The following RASA1 variants were observed in gnomAD, a reference collection of about 807,000 sequenced individuals.
The protein encoded by RASA1 is ras GTPase-activating protein 1.
In RASA1, 25 loss-of-function variants were observed where a neutral mutation model predicts 132.2. The observed-to-expected ratio is 0.19, with a 90% CI of 0.14 to 0.26. The LOEUF (loss-of-function observed/expected upper bound fraction) is 0.26. Among genes scored for constraint, RASA1 ranks in the 10% least tolerant of loss-of-function variants. The pLI is 1.00. For missense variants in RASA1, 964 were observed against 1,299.2 expected, an observed-to-expected ratio of 0.74 and a Z score of 3.97; for synonymous variants, 477 against 449.9, an observed-to-expected ratio of 1.06 and a Z score of -0.76.
intron 1 of RASA1, among the ~76,000 whole-genome samples, chr5:87,314,655 T>A (rs1225279988): frequency 1.3e-5 from 2 of 152,012 alleles, no homozygotes; most frequent in Non-Finnish European, 2.9e-5. Context: ...GTATCTGGAT[T>A]GATGTTAATG....
At chr5:87,346,132 T>C (rs1209664440) in intron 6 of RASA1, among the ~76,000 whole-genome samples, 1 of 152,100 alleles carries the variant, frequency 6.6e-6, no homozygotes, top group Non-Finnish European at 1.5e-5. Flanking sequence ...TTAGCTCAAA[T>C]AGAGTTGAGA....
At chr5:87,366,532 G>GA (rs3842492) in intron 11 of RASA1, 11,970 of 201,608 alleles carry the variant, frequency 0.059, 917 homozygotes, top group African/African-American at 0.2. Context: ...CTGGTAGGGG[G>GA]AAAGCAATAA....
At chr5:87,384,811 TCTC>T (rs1761955393) in intron 21 of RASA1, among the ~76,000 whole-genome samples, 1 of 152,158 alleles carries the variant, frequency 6.6e-6, no homozygotes, top group South Asian at 2.1e-4. Flanking sequence ...TTCATGTTTT[TCTC>T]CTCAAAATAA....
intron 1 of RASA1, among the ~76,000 whole-genome samples, chr5:87,306,037 A>G (rs546224155): frequency 6.6e-6 from 1 of 152,348 alleles, no homozygotes; most frequent in East Asian, 1.9e-4. Flanking sequence ...AATTAGTTCA[A>G]CTGTTGTGGA....
intron 1 of RASA1, among the ~76,000 whole-genome samples, chr5:87,317,392 A>G (rs1289631103): frequency 3.9e-5 from 6 of 152,176 alleles, no homozygotes; most frequent in African/African-American, 1.4e-4. Flanking sequence ...CATATTTTCA[A>G]GTTCACTCAT....
chr5:87,287,723 ACCATTATG>A, intron 1 of RASA1, among the ~76,000 whole-genome samples: 1 of 61,870 alleles, frequency 1.6e-5, no homozygotes, highest in Non-Finnish European at 3.3e-5. Flanking sequence ...CCATAGATAT[ACCATTATG>A]TACACGCCAT....
Position 87,391,127 on chromosome 5 carries a change from CT to C in RASA1, c.*246del. The C allele has an allele frequency of 1.7e-6, 1 of 598,130 alleles. No homozygotes were observed. Among genetic ancestry groups the C allele is most frequent in the Non-Finnish European group, 3.0e-6 (1 of 334,800 alleles). 37.1% of individuals were successfully genotyped at this position (598,130 alleles called of 1,614,324 possible). ...AATCAATCTTTAACAACCTCTGAGC[CT>C]TGGTGTACAGACCACCTTTCACAAA... is the stretch of plus-strand genomic sequence containing the variant. On this transcript the variant is annotated 3_prime_UTR_variant, in exon 25 of 25. Coordinates refer to ENST00000274376, the MANE Select transcript of RASA1 (RefSeq NM_002890.3).
chr5:87,358,882 TTGGA>T, intron 9 of RASA1, among the ~76,000 whole-genome samples: 1 of 152,304 alleles, frequency 6.6e-6, no homozygotes, highest in East Asian at 1.9e-4. Flanking sequence ...TTGTTTTCTC[TTGGA>T]TATCCACTAG....
intron 11 of RASA1, chr5:87,366,244 AC>A (rs1246210190): frequency 4.3e-6 from 1 of 231,072 alleles, no homozygotes; most frequent in Non-Finnish European, 9.4e-6. Context: ...AATGATACTT[AC>A]AACTGCAATT....
intron 1 of RASA1, among the ~76,000 whole-genome samples, chr5:87,287,441 TAC>T (rs1754671466): frequency 6.9e-6 from 1 of 145,112 alleles, no homozygotes; most frequent in Non-Finnish European, 1.5e-5. Context: ...ACCATATATA[TAC>T]ACCATATATA....
At chr5:87,293,606 A>G (rs1754996821) in intron 1 of RASA1, among the ~76,000 whole-genome samples, 1 of 152,208 alleles carries the variant, frequency 6.6e-6, no homozygotes, top group African/African-American at 2.4e-5. Flanking sequence ...AGAATGACTT[A>G]GGAAGTAACT....
At chr5:87,371,838 A>AT (rs937494877) in intron 12 of RASA1, among the ~76,000 whole-genome samples, 2 of 152,092 alleles carry the variant, frequency 1.3e-5, no homozygotes, top group African/African-American at 4.8e-5. Flanking sequence ...TGTAAATTTG[A>AT]TTTTTTGGCT....
intron 1 of RASA1, among the ~76,000 whole-genome samples, chr5:87,287,788 G>GCCATATATATACACACCATATATATA (rs1561257570): frequency 0.013 from 704 of 52,324 alleles, 130 homozygotes; most frequent in East Asian, 0.027. Flanking sequence ...ATATGTACAC[G>GCCATATATATACACACCATATATATA]CCATATATAT....
chr5:87,291,644 C>G (rs561812201), intron 1 of RASA1, among the ~76,000 whole-genome samples: 7 of 152,266 alleles, frequency 4.6e-5, no homozygotes, highest in African/African-American at 1.4e-4. Flanking sequence ...CTGCCATCTT[C>G]CTGATATTGA....
chr5:87,386,780 A>G, intron 22 of RASA1, 46 bp from the exon 23 acceptor site: 1 of 1,520,400 alleles, frequency 6.6e-7, no homozygotes, highest in Non-Finnish European at 9.1e-7. Context: ...TAGATCAAAC[A>G]GTGGTTTGTT....
chr5:87,309,552 A>G (rs998433214), intron 1 of RASA1, among the ~76,000 whole-genome samples: 6 of 151,932 alleles, frequency 3.9e-5, no homozygotes, highest in Non-Finnish European at 8.8e-5. Context: ...TAATTTATTT[A>G]CTCTTTAGTG....
chr5:87,344,332 C>T (rs777872972), intron 6 of RASA1, among the ~76,000 whole-genome samples: 8 of 151,926 alleles, frequency 5.3e-5, no homozygotes, highest in Non-Finnish European at 1.2e-4. Flanking sequence ...GTATACATTA[C>T]CCATAAAAAC....
At chr5:87,285,033 CATTTATTTATTTATTTATTT>C (rs34217012) in intron 1 of RASA1, among the ~76,000 whole-genome samples, 43 of 137,060 alleles carry the variant, frequency 3.1e-4, no homozygotes, top group Non-Finnish European at 5.0e-4. Flanking sequence ...ATAATGGTAC[CATTTATTTATTTATTTATTT>C]ATTTATTTAT....
Position 87,268,446 on chromosome 5 carries a change from T to C in RASA1, c.-6T>C. On this transcript the variant is annotated 5_prime_UTR_variant, in exon 1 of 25. Coordinates refer to ENST00000274376, the MANE Select transcript of RASA1 (RefSeq NM_002890.3). ...CAGGGTAGGGCAGAGTAGAGCGGGC[T>C]TCAACATGATGGCGGCCGAGGCCGG... The C allele has an allele frequency of 6.5e-7, 1 of 1,543,314 alleles. No homozygotes were observed. The highest frequency in any genetic ancestry group is 8.7e-7 in the Non-Finnish European group (1 of 1,143,956).
Sources: gnomAD v4.1 joint callset for allele counts (sites outside exome capture counted in the v4.1 genomes callset) on GRCh38, gnomAD v4.1.1 for gene constraint, MANE v1.5 for transcripts, NCBI Gene and HGNC (gene_info 2026-07-23, HGNC 2026-07-21) for gene names.